Variants in LIPT2 observed in about 807,000 individuals in gnomAD.
The protein encoded by LIPT2 is octanoyl-[acyl-carrier-protein]:protein N-octanoyltransferase LIPT2, mitochondrial.
In LIPT2, 16 loss-of-function variants were observed where a neutral mutation model predicts 16.2. The ratio of observed to expected loss-of-function variants is 0.99; its 90% confidence interval spans 0.67 to 1.50. LIPT2 has a LOEUF of 1.50. Among genes scored for constraint, LIPT2 ranks in the 40% most tolerant of loss-of-function variants. LIPT2 has a pLI of 0.00. For missense variants in LIPT2, 424 were observed against 347.7 expected, an observed-to-expected ratio of 1.22 and a Z score of -1.75; for synonymous variants, 199 against 169.3, an observed-to-expected ratio of 1.18 and a Z score of -1.36.
chr11:74,490,787 G>A lies in LIPT2; in HGVS notation c.*1348C>T, dbSNP rs1435827637. Among the ~76,000 whole-genome samples, 1 of 152,170 alleles carries A rather than the reference G, an allele frequency of 6.6e-6. No individual in the cohort carries two copies. The highest frequency in any genetic ancestry group is 1.9e-4 in the East Asian group (1 of 5,198). ...ATCCTAGAAAATGTCAAATTACAATGTGGCTTGCATTGTATTTCTATTGAA... is the reference window on the plus strand; with the variant it reads ...ATCCTAGAAAATGTCAAATTACAATATGGCTTGCATTGTATTTCTATTGAA... On this transcript the variant is annotated 3_prime_UTR_variant, in exon 2 of 2. Transcript: ENST00000310109.
Position 74,493,705 on chromosome 11 carries a change from G to C in LIPT2, c.-2C>G, listed in dbSNP as rs929823454. On this transcript the variant is annotated 5_prime_UTR_variant, in exon 1 of 2. Transcript: ENST00000310109. ...CAACCGAACGGCGGGTTGCCGCATC[G>C]TGCCCACCGTTGCGTCCGCGGGGCC... is the stretch of plus-strand genomic sequence containing the variant. 45 of 1,365,452 alleles carry C rather than the reference G, an allele frequency of 3.3e-5. No individual in the cohort carries two copies. Among genetic ancestry groups the C allele is most frequent in the Admixed American group, 7.5e-5 (2 of 26,496 alleles). 84.6% of individuals were successfully genotyped at this position (1,365,452 alleles called of 1,614,324 possible).
rs938666999 is a variant in LIPT2, at chr11:74,490,820, G to T, written c.*1315C>A. ...CATTGTATTTCTATTGAACAGCACTGGTTTAAGGAGAAACTGAAGACCAGA... is the reference window on the plus strand; with the variant it reads ...CATTGTATTTCTATTGAACAGCACTTGTTTAAGGAGAAACTGAAGACCAGA... On this transcript the variant is annotated 3_prime_UTR_variant, in exon 2 of 2. Transcript: ENST00000310109. Among the ~76,000 whole-genome samples, 3 of 152,196 alleles carry T rather than the reference G, an allele frequency of 2.0e-5. No individual in the cohort carries two copies. Among genetic ancestry groups the T allele is most frequent in the African/African-American group, 7.2e-5 (3 of 41,444 alleles).
rs192239391 is a variant in LIPT2, at chr11:74,493,431, G to A, written c.273C>T (p.Phe91=). 1.3e-4 allele frequency: 198 copies of A among 1,505,956 alleles called. 1 individual carries two copies. In the Admixed American group the frequency reaches 3.9e-3, roughly 30 times the overall value. 93.3% of individuals were successfully genotyped at this position (1,505,956 alleles called of 1,614,324 possible). ...RVTGRGGLAT[F]HGPGQLLCHP... is the part of the protein sequence containing the mutation. ...GGCAAAGCAGCTGGCCCGGGCCGTG[G>A]AAGGTGGCCAGGCCACCGCGGCCTG... Residue 91 remains phenylalanine (F), a synonymous_variant, in exon 1 of 2, where the codon TTC becomes TTT. Coordinates refer to ENST00000310109, the MANE Select transcript of LIPT2 (RefSeq NM_001144869.3).
Position 74,493,587 on chromosome 11 carries a change from C to CG in LIPT2, c.116dup (p.Ser40ValfsTer4). On this transcript the variant is annotated frameshift_variant, in exon 1 of 2. Coordinates refer to ENST00000310109, the MANE Select transcript of LIPT2 (RefSeq NM_001144869.3). LOFTEE classifies it high-confidence loss of function. ...GGAGCGCGCCCGCCTCAGTCCCCGA[C>CG]GGGGCCTCAATGCCTGGCTCGGCCT... 6.9e-7 allele frequency: 1 copy of CG among 1,453,188 alleles called. No individual in the cohort carries two copies. Among genetic ancestry groups the CG allele is most frequent in the Non-Finnish European group, 9.0e-7 (1 of 1,108,102 alleles). 90.0% of individuals were successfully genotyped at this position (1,453,188 alleles called of 1,614,324 possible).
chr11:74,493,196 C>A (rs1216272148), intron 1 of LIPT2, 42 bp downstream of exon 1: 1 of 1,301,116 alleles, frequency 7.7e-7, no homozygotes, highest in Non-Finnish European at 9.8e-7. Context: ...CCTCAAGCTC[C>A]GACCTCGGCT....
At position 74,490,888 on chromosome 11, in the gene LIPT2, C is replaced by A. The variant is rs557000134; in HGVS notation, c.*1247G>T. 2.6e-5 allele frequency among the ~76,000 whole-genome samples: 4 copies of A among 152,260 alleles called. No homozygotes were observed. Among genetic ancestry groups the A allele is most frequent in the South Asian group, 4.1e-4 (2 of 4,824 alleles). ...ACAGAGCCAGAACTGGAACCAGGGTCCCCTGACTTCTCATTCGAGGCTCTT... is the reference window on the plus strand; with the variant it reads ...ACAGAGCCAGAACTGGAACCAGGGTACCCTGACTTCTCATTCGAGGCTCTT... On this transcript the variant is annotated 3_prime_UTR_variant, in exon 2 of 2. Coordinates refer to ENST00000310109, the MANE Select transcript of LIPT2 (RefSeq NM_001144869.3).
chr11:74,492,163 G>A lies in LIPT2; in HGVS notation c.668C>T (p.Thr223Ile), dbSNP rs994670343. The A allele has an allele frequency of 3.2e-6, 5 of 1,551,312 alleles. No individual in the cohort carries two copies. The African/African-American group carries it at 6.8e-5, about 21-fold the overall frequency. Reference sequence around the variant, plus strand: ...GTTGGGGCTGTCCTCTGAGATCAGTGTGCACTTGTAGATCTCCTTAAAGGC... The same window carrying A: ...GTTGGGGCTGTCCTCTGAGATCAGTATGCACTTGTAGATCTCCTTAAAGGC... ...LVAFKEIYKC[T>I]LISEDSPN is the part of the protein sequence containing the mutation. Residue 223 changes from threonine to isoleucine, a missense_variant, in exon 2 of 2, where the codon ACA (threonine) becomes ATA (isoleucine). Transcript: ENST00000310109.
Position 74,491,797 on chromosome 11 carries a change from C to T in LIPT2, c.*338G>A. 3.4e-6 allele frequency: 1 copy of T among 293,542 alleles called. No individual in the cohort carries two copies. The highest frequency in any genetic ancestry group is 6.7e-6 in the Non-Finnish European group (1 of 148,894). 18.2% of individuals were successfully genotyped at this position (293,542 alleles called of 1,614,324 possible). On this transcript the variant is annotated 3_prime_UTR_variant, in exon 2 of 2. Coordinates refer to ENST00000310109, the MANE Select transcript of LIPT2 (RefSeq NM_001144869.3). ...GTTAGACACAGTATTGAGGAAGCAA[C>T]AATTGAGAAATGACAATCTATGACA... is the stretch of plus-strand genomic sequence containing the variant.
Position 74,493,281 on chromosome 11 carries a change from G to C in LIPT2, c.423C>G (p.Pro141=), listed in dbSNP as rs945640121. ...GLQDARARPP[P]YTGVWLDDRK... ...GATCGTCTAGCCAGACGCCAGTGTAGGGCGGGGGCCGCGCGCGGGCGTCCT... is the reference window on the plus strand; with the variant it reads ...GATCGTCTAGCCAGACGCCAGTGTACGGCGGGGGCCGCGCGCGGGCGTCCT... The change falls in exon 1 of 2, where the codon CCC becomes CCG. Residue 141 remains proline, a synonymous_variant. Transcript: ENST00000310109. The C allele has an allele frequency of 2.1e-6, 3 of 1,413,638 alleles. No homozygotes were observed. In the South Asian group the frequency reaches 4.4e-5, roughly 21 times the overall value. 87.6% of individuals were successfully genotyped at this position (1,413,638 alleles called of 1,614,324 possible). A position where few individuals can be genotyped will look rare whatever the true frequency, so the allele number is the denominator to read the frequency against.
In LIPT2 at chr11:74,492,253, G is replaced by T. The variant is rs2135041844; in HGVS notation, c.578C>A (p.Thr193Asn). 1 of 1,551,754 alleles carries T rather than the reference G, an allele frequency of 6.4e-7. No homozygotes were observed. The highest frequency in any genetic ancestry group is 2.4e-5 in the East Asian group (1 of 40,898). ...VPCGLVGTGV[T>N]SLSKELQRHV... ...CCTCTGGAGCTCCTTACTCAAGGAAGTGACGCCTGTCCCAACCAGTCCACA... is the reference window on the plus strand; with the variant it reads ...CCTCTGGAGCTCCTTACTCAAGGAATTGACGCCTGTCCCAACCAGTCCACA... The change falls in exon 2 of 2, where the codon ACT (threonine) becomes AAT (asparagine). Residue 193 changes from threonine to asparagine, a missense_variant. Physicochemically the swap from Thr to Asn is moderately conservative, Grantham distance 65. Transcript: ENST00000310109.
chr11:74,493,309 A>G lies in LIPT2; in HGVS notation c.395T>C (p.Leu132Pro). The G allele has an allele frequency of 6.9e-7, 1 of 1,444,536 alleles. No individual in the cohort carries two copies. The highest frequency in any genetic ancestry group is 2.6e-5 in the Admixed American group (1 of 38,302). The allele number at this position is 1,444,536 out of a possible 1,614,324, so 89.5% of individuals were successfully genotyped here. Residue 132 changes from leucine to proline, a missense_variant, in exon 1 of 2, where the codon CTG becomes CCG. Transcript: ENST00000310109. ...CGGGGGCCGCGCGCGGGCGTCCTGCAGGCCCTGGAGCTCGCACAGGCGCAC... is the reference window on the plus strand; with the variant it reads ...CGGGGGCCGCGCGCGGGCGTCCTGCGGGCCCTGGAGCTCGCACAGGCGCAC... ...CAVRLCELQG[L>P]QDARARPPPY...
At position 74,492,260 on chromosome 11, in the gene LIPT2, C is replaced by G. The variant is rs563048979; in HGVS notation, c.571G>C (p.Gly191Arg). The change falls in exon 2 of 2, where the codon GGC (glycine) becomes CGC (arginine). Residue 191 changes from glycine (G) to arginine (R), a missense_variant. Coordinates refer to ENST00000310109, the MANE Select transcript of LIPT2 (RefSeq NM_001144869.3). ...HIVPCGLVGT[G>R]VTSLSKELQR... is the part of the protein sequence containing the mutation. Reference sequence around the variant, plus strand: ...AGCTCCTTACTCAAGGAAGTGACGCCTGTCCCAACCAGTCCACAGGGCACG... The same window carrying G: ...AGCTCCTTACTCAAGGAAGTGACGCGTGTCCCAACCAGTCCACAGGGCACG... 1.9e-6 allele frequency: 3 copies of G among 1,551,760 alleles called. No individual in the cohort carries two copies. The East Asian group carries it at 7.3e-5, about 38-fold the overall frequency.
chr11:74,493,185 G>C, intron 1 of LIPT2, 53 bp downstream of exon 1: 3 of 1,258,242 alleles, frequency 2.4e-6, no homozygotes, highest in Non-Finnish European at 3.1e-6. Context: ...CCGCCCCCAG[G>C]CCTCAAGCTC....
At position 74,493,698 on chromosome 11, in the gene LIPT2, C is replaced by G; in HGVS notation, c.6G>C (p.Arg2=). 1 of 1,377,456 alleles carries G rather than the reference C, an allele frequency of 7.3e-7. No individual in the cohort carries two copies. The highest frequency in any genetic ancestry group is 3.1e-5 in the East Asian group (1 of 32,622). 85.3% of individuals were successfully genotyped at this position (1,377,456 alleles called of 1,614,324 possible). A position where few individuals can be genotyped will look rare whatever the true frequency, so the allele number is the denominator to read the frequency against. ...GGCGCACCAACCGAACGGCGGGTTG[C>G]CGCATCGTGCCCACCGTTGCGTCCG... The part of the protein sequence containing the change: M[R]QPAVRLVRLG... Residue 2 remains arginine (R), a synonymous_variant, in exon 1 of 2, where the codon CGG becomes CGC. Coordinates refer to ENST00000310109, the MANE Select transcript of LIPT2 (RefSeq NM_001144869.3).
At chr11:74,492,571 T>C (rs1184607704) in intron 1 of LIPT2, among the ~76,000 whole-genome samples, 3 of 151,544 alleles carry the variant, frequency 2.0e-5, no homozygotes, top group Non-Finnish European at 4.4e-5. Flanking sequence ...ATCATGAGGA[T>C]TCCAGGAAAT....
Position 74,493,511 on chromosome 11 carries a change from G to A in LIPT2, c.193C>T (p.Leu65=). 7.0e-7 allele frequency: 1 copy of A among 1,426,520 alleles called. No individual in the cohort carries two copies. Among genetic ancestry groups the A allele is most frequent in the Non-Finnish European group, 9.1e-7 (1 of 1,096,170 alleles). The allele number at this position is 1,426,520 out of a possible 1,614,324, so 88.4% of individuals were successfully genotyped here. A position where few individuals can be genotyped will look rare whatever the true frequency, so the allele number is the denominator to read the frequency against. The change falls in exon 1 of 2, where the codon CTG becomes TTG. Residue 65 remains leucine, a synonymous_variant. Coordinates refer to ENST00000310109, the MANE Select transcript of LIPT2 (RefSeq NM_001144869.3). ...PVYTAGLRGG[L]TPEETARLRA... is the part of the protein sequence containing the mutation. ...AGCCGCGCAGTTTCCTCGGGCGTCA[G>A]GCCGCCGCGCAGCCCGGCCGTATAC...
Position 74,490,532 on chromosome 11 carries a change from A to C in LIPT2, c.*1603T>G, listed in dbSNP as rs557382422. 6.6e-6 allele frequency among the ~76,000 whole-genome samples: 1 copy of C among 152,156 alleles called. No homozygotes were observed. Among genetic ancestry groups the C allele is most frequent in the East Asian group, 1.9e-4 (1 of 5,200 alleles). On this transcript the variant is annotated 3_prime_UTR_variant, in exon 2 of 2. Transcript: ENST00000310109. ...AAAACATTTATATTGCTTTATATTGATATTTTTATATATTGGGTTAATTAA... is the reference window on the plus strand; with the variant it reads ...AAAACATTTATATTGCTTTATATTGCTATTTTTATATATTGGGTTAATTAA...
At chr11:74,492,605 TA>T (rs374492084) in intron 1 of LIPT2, among the ~76,000 whole-genome samples, 192 of 141,648 alleles carry the variant, frequency 1.4e-3, no homozygotes, top group Middle Eastern at 3.6e-3. Context: ...TTCCAATACT[TA>T]AAAAAAAAAA....
Position 74,493,484 on chromosome 11 carries a change from G to C in LIPT2, c.220C>G (p.Arg74Gly), listed in dbSNP as rs746493299. 2 of 1,456,958 alleles carry C rather than the reference G, an allele frequency of 1.4e-6. No homozygotes were observed. The highest frequency in any genetic ancestry group is 1.8e-6 in the Non-Finnish European group (2 of 1,110,916). 90.3% of individuals were successfully genotyped at this position (1,456,958 alleles called of 1,614,324 possible). Residue 74 changes from arginine (R) to glycine (G), a missense_variant, in exon 1 of 2, where the codon CGG (arginine) becomes GGG (glycine). By Grantham distance (125) the Arg-to-Gly change is moderately radical. Coordinates refer to ENST00000310109, the MANE Select transcript of LIPT2 (RefSeq NM_001144869.3). Reference sequence around the variant, plus strand: ...ACGCGCACCTCGGCGCCCAAGGCCCGTAGCCGCGCAGTTTCCTCGGGCGTC... The same window carrying C: ...ACGCGCACCTCGGCGCCCAAGGCCCCTAGCCGCGCAGTTTCCTCGGGCGTC... ...GLTPEETARLRALGAEVRVTG... is the reference protein window; with the variant it reads ...GLTPEETARLGALGAEVRVTG...
Sources: gnomAD v4.1 joint callset for allele counts (sites outside exome capture counted in the v4.1 genomes callset) on GRCh38, gnomAD v4.1.1 for gene constraint, MANE v1.5 for transcripts, NCBI Gene and HGNC (gene_info 2026-07-23, HGNC 2026-07-21) for gene names.